Variants in EXOC4 observed in about 807,000 individuals in gnomAD.
The protein encoded by EXOC4 is SEC8-like 1.
In EXOC4, 71 loss-of-function variants were observed where a neutral mutation model predicts 107.2. The ratio of observed to expected loss-of-function variants is 0.66; its 90% CI spans 0.55 to 0.81. The LOEUF is 0.81. Among genes scored for constraint, EXOC4 ranks in the 30% least tolerant of loss-of-function variants. EXOC4 has a pLI of 0.00. For missense variants in EXOC4, 1,108 were observed against 1,189.6 expected (o/e 0.93, Z 1.01); for synonymous variants, 456 against 441.2 (o/e 1.03, Z -0.42).
At chr7:133,854,638 A>G (rs2116281522) in intron 11 of EXOC4, among the ~76,000 whole-genome samples, 1 of 152,066 alleles carries the variant, frequency 6.6e-6, no homozygotes, top group East Asian at 2.0e-4. Flanking sequence ...TTTTTAAAAC[A>G]CAAGCACAGC....
chr7:133,694,548 G>A (rs1254102076), intron 10 of EXOC4, among the ~76,000 whole-genome samples: 1 of 152,122 alleles, frequency 6.6e-6, no homozygotes, highest in African/African-American at 2.4e-5. Context: ...GTAAAGAAAA[G>A]CAATTGAAGA....
intron 11 of EXOC4, among the ~76,000 whole-genome samples, chr7:133,843,848 T>C (rs1311788744): frequency 2.0e-5 from 3 of 152,352 alleles, no homozygotes; most frequent in African/African-American, 7.2e-5. Context: ...CAGTGCCTAC[T>C]TTCTTGAGGG....
chr7:133,337,124 T>G (rs937753420), intron 5 of EXOC4, among the ~76,000 whole-genome samples: 2 of 152,218 alleles, frequency 1.3e-5, no homozygotes, highest in African/African-American at 4.8e-5. Context: ...CTCTCTTGAC[T>G]GTGGTGTATT....
intron 10 of EXOC4, among the ~76,000 whole-genome samples, chr7:133,714,929 T>C (rs557350902): frequency 6.6e-6 from 1 of 152,300 alleles, no homozygotes; most frequent in East Asian, 1.9e-4. Context: ...GCTTCGTTTT[T>C]CTCTGTGGTA....
chr7:134,089,810 T>C, the EXOC4 span, among the ~76,000 whole-genome samples: 26 of 152,296 alleles, frequency 1.7e-4, no homozygotes, highest in African/African-American at 6.3e-4. Context: ...CTTTTCTTTA[T>C]AAACTTCTTT....
At chr7:133,266,707 T>A (rs1355191481) in intron 1 of EXOC4, among the ~76,000 whole-genome samples, 1 of 152,236 alleles carries the variant, frequency 6.6e-6, no homozygotes, top group African/African-American at 2.4e-5. Context: ...TGAATTGAGT[T>A]TTAATGTTAT....
chr7:133,334,454 G>A (rs572030260), intron 5 of EXOC4, among the ~76,000 whole-genome samples: 1 of 152,210 alleles, frequency 6.6e-6, no homozygotes, highest in Admixed American at 6.5e-5. Flanking sequence ...AAATCATTCT[G>A]TATTAGTTCA....
intron 10 of EXOC4, among the ~76,000 whole-genome samples, chr7:133,638,686 G>A (rs754650674): frequency 2.0e-5 from 3 of 151,790 alleles, no homozygotes; most frequent in Admixed American, 6.6e-5. Context: ...TGGTACGTAC[G>A]AGTATAACTT....
At chr7:133,711,718 A>G (rs1209835034) in intron 10 of EXOC4, among the ~76,000 whole-genome samples, 1 of 152,186 alleles carries the variant, frequency 6.6e-6, no homozygotes, top group Non-Finnish European at 1.5e-5. Context: ...CCTAGCATTT[A>G]GTTTTTTCCT....
chr7:133,557,188 C>G (rs942513616), intron 9 of EXOC4, among the ~76,000 whole-genome samples: 1 of 152,088 alleles, frequency 6.6e-6, no homozygotes, highest in Non-Finnish European at 1.5e-5. Flanking sequence ...CTGACTTTTT[C>G]AGAATGTTGT....
chr7:133,941,236 A>G (rs1354823468), intron 14 of EXOC4, among the ~76,000 whole-genome samples: 1 of 151,922 alleles, frequency 6.6e-6, no homozygotes, highest in Non-Finnish European at 1.5e-5. Context: ...TGATCTCGTG[A>G]TCCGCCCGCC....
chr7:134,082,680 C>A, the EXOC4 span, among the ~76,000 whole-genome samples: 3 of 152,176 alleles, frequency 2.0e-5, no homozygotes, highest in Non-Finnish European at 4.4e-5. Flanking sequence ...ACCTCATGAT[C>A]CACCTGCCTT....
chr7:133,839,649 G>C (rs1300484527), intron 11 of EXOC4, among the ~76,000 whole-genome samples: 2 of 152,196 alleles, frequency 1.3e-5, no homozygotes, highest in Non-Finnish European at 2.9e-5. Flanking sequence ...ATCAGCCATG[G>C]AGGACTTGTA....
chr7:133,293,466 C>T (rs1794451814), intron 3 of EXOC4, among the ~76,000 whole-genome samples: 1 of 152,164 alleles, frequency 6.6e-6, no homozygotes, highest in Non-Finnish European at 1.5e-5. Flanking sequence ...CCCCTGATTT[C>T]CTTGGATTTG....
At chr7:133,761,957 G>A (rs765564464) in intron 10 of EXOC4, among the ~76,000 whole-genome samples, 15 of 152,148 alleles carry the variant, frequency 9.9e-5, no homozygotes, top group South Asian at 2.1e-4. Context: ...AAGATGGCAC[G>A]TGGAGAGTCA....
At chr7:133,821,756 A>G (rs971054848) in intron 11 of EXOC4, among the ~76,000 whole-genome samples, 3 of 152,188 alleles carry the variant, frequency 2.0e-5, no homozygotes, top group African/African-American at 7.2e-5. Context: ...GCATTTTTCA[A>G]TAGATAGATA....
intron 14 of EXOC4, among the ~76,000 whole-genome samples, chr7:133,945,771 T>G (rs1361227734): frequency 1.3e-5 from 2 of 152,226 alleles, no homozygotes; most frequent in African/African-American, 4.8e-5. Flanking sequence ...CTTAATATTT[T>G]CTATGAGATG....
chr7:133,448,689 G>A (rs566269659), intron 7 of EXOC4, among the ~76,000 whole-genome samples: 96 of 152,260 alleles, frequency 6.3e-4, no homozygotes, highest in African/African-American at 2.1e-3. Context: ...AAATCCTGGC[G>A]TCTGGTATAT....
intron 17 of EXOC4, among the ~76,000 whole-genome samples, chr7:134,030,347 A>G (rs1034165842): frequency 6.6e-6 from 1 of 152,238 alleles, no homozygotes; most frequent in Non-Finnish European, 1.5e-5. Context: ...ATCAATGATG[A>G]GTGGATAAAC....
Sources: gnomAD v4.1 joint callset for allele counts (sites outside exome capture counted in the v4.1 genomes callset) on GRCh38, gnomAD v4.1.1 for gene constraint, MANE v1.5 for transcripts, NCBI Gene and HGNC (gene_info 2026-07-23, HGNC 2026-07-21) for gene names.